Variants in USP37 observed in about 807,000 individuals in gnomAD.
USP37 encodes ubiquitin carboxyl-terminal hydrolase 37.
Under a neutral mutation model 124.0 loss-of-function variants are expected in USP37, and 27 were observed. The ratio of observed to expected loss-of-function variants is 0.22; its 90% CI spans 0.16 to 0.30. USP37 has a LOEUF of 0.30. Among genes scored for constraint, USP37 ranks in the 10% least tolerant of loss-of-function variants. The probability of loss-of-function intolerance (pLI) is 1.00; values close to 1 mark genes in which losing one functional copy is unlikely to be tolerated. For missense variants in USP37, 889 were observed against 1,140.4 expected (o/e 0.78, Z 3.17); for synonymous variants, 365 against 388.0 (o/e 0.94, Z 0.70).
chr2:218,511,637 G>T (rs1419720602), intron 10 of USP37, among the ~76,000 whole-genome samples: 1 of 151,346 alleles, frequency 6.6e-6, no homozygotes, highest in East Asian at 1.9e-4. Flanking sequence ...AGTAGAGAAG[G>T]GGTTTCACCA....
chr2:218,561,621 G>A (rs1288596433), intron 2 of USP37, among the ~76,000 whole-genome samples: 1 of 147,364 alleles, frequency 6.8e-6, no homozygotes, highest in East Asian at 2.0e-4. Context: ...TCATACCACT[G>A]CACTCCAGCC....
In USP37 at chr2:218,498,013, A is replaced by G. The variant is rs1168372594; in HGVS notation, c.1157+13T>C. 2.5e-6 allele frequency: 4 copies of G among 1,598,212 alleles called. No individual in the cohort carries two copies. Among genetic ancestry groups the G allele is most frequent in the Non-Finnish European group, 3.4e-6 (4 of 1,174,354 alleles). On this transcript the variant is annotated intron_variant, in intron 12 of 25. Transcript: ENST00000258399. ...TAAAAGGTTACTCAGTAAGTACAGT[A>G]CATAATGATTACCTGATAAGTGCAT... is the stretch of plus-strand genomic sequence containing the variant.
At chr2:218,550,049 T>A in intron 5 of USP37, 140 bp from the exon 6 acceptor site, 1 of 554,248 alleles carries the variant, frequency 1.8e-6, no homozygotes, top group Admixed American at 3.8e-5. Flanking sequence ...AAAGTGCCTA[T>A]CAACCAATTC....
chr2:218,476,907 G>C lies in USP37; in HGVS notation c.1976C>G (p.Ser659Cys). Residue 659 changes from serine (S) to cysteine (C), a missense_variant, in exon 19 of 26, where the codon TCT becomes TGT. Physicochemically the swap from Ser to Cys is moderately radical, Grantham distance 112. Coordinates refer to ENST00000258399, the MANE Select transcript of USP37 (RefSeq NM_020935.3). The part of the protein sequence containing the change: ...DSDSEDELKR[S>C]VALSQRLCEM... ...ACAAAGTCTCTGGCTGAGGGCCACA[G>C]AACGTTTTAGCTCATCCTCACTGTC... 6.2e-7 allele frequency: 1 copy of C among 1,609,844 alleles called. No individual in the cohort carries two copies. The highest frequency in any genetic ancestry group is 8.5e-7 in the Non-Finnish European group (1 of 1,178,302).
At chr2:218,557,870 G>A (rs975387938) in intron 4 of USP37, among the ~76,000 whole-genome samples, 5 of 121,780 alleles carry the variant, frequency 4.1e-5, no homozygotes, top group Non-Finnish European at 8.0e-5. Flanking sequence ...GGCAGAGGTT[G>A]CAATGAGCCG....
chr2:218,558,740 G>A (rs1395621195), intron 3 of USP37, 63 bp from the exon 4 acceptor site: 2 of 1,250,358 alleles, frequency 1.6e-6, no homozygotes, highest in East Asian at 2.3e-5. Context: ...AATAAGATAA[G>A]TTATAACTTA....
At chr2:218,465,241 T>C (rs932207640) in intron 21 of USP37, among the ~76,000 whole-genome samples, 10 of 152,028 alleles carry the variant, frequency 6.6e-5, no homozygotes, top group African/African-American at 2.4e-4. Flanking sequence ...AATTATAAAA[T>C]CATGGTGTTA....
chr2:218,453,613 A>C lies in USP37; in HGVS notation c.*1317T>G, dbSNP rs1490895330. ...AAAAGAATTCTTTATATGGTTTCAT[A>C]AGCTGCTTAACCAAGCTGGTTACGT... On this transcript the variant is annotated 3_prime_UTR_variant, in exon 26 of 26. Transcript: ENST00000258399. 1 of 152,222 alleles carries C rather than the reference A, an allele frequency of 6.6e-6. No individual in the cohort carries two copies. The highest frequency in any genetic ancestry group is 1.5e-5 in the Non-Finnish European group (1 of 68,046). The allele number at this position is 152,222 out of a possible 1,614,324, so 9.4% of individuals were successfully genotyped here.
At chr2:218,455,086 AAAAGT>A (rs1689620714) in intron 25 of USP37, 69 bp from the exon 26 acceptor site, 1 of 1,580,458 alleles carries the variant, frequency 6.3e-7, no homozygotes, top group South Asian at 1.1e-5. Flanking sequence ...AGGCAGGAGA[AAAAGT>A]AAAATAAAAT....
At chr2:218,554,967 A>G (rs17572799) in intron 4 of USP37, among the ~76,000 whole-genome samples, 1,541 of 152,298 alleles carry the variant, frequency 0.01, 10 homozygotes, top group Non-Finnish European at 0.015. Flanking sequence ...AACTCACTTA[A>G]GTTTCATTCA....
chr2:218,467,882 GTTTT>G (rs950614019), intron 20 of USP37, among the ~76,000 whole-genome samples: 11 of 147,740 alleles, frequency 7.4e-5, no homozygotes, highest in African/African-American at 1.3e-4. Context: ...AACATTTCAT[GTTTT>G]TTTTGTTTTT....
intron 21 of USP37, 147 bp from the exon 22 acceptor site, chr2:218,463,513 T>C (rs1690141508): frequency 6.6e-6 from 4 of 603,350 alleles, no homozygotes; most frequent in Non-Finnish European, 1.1e-5. Flanking sequence ...TTTTGAGGAA[T>C]GTGGGGAAGT....
chr2:218,536,017 CAAAAAAAAAA>C (rs59248363), intron 8 of USP37, among the ~76,000 whole-genome samples: 5 of 80,830 alleles, frequency 6.2e-5, no homozygotes, highest in Admixed American at 3.5e-4. Context: ...GACTTCATCT[CAAAAAAAAAA>C]AAAAAAAAAA....
intron 8 of USP37, among the ~76,000 whole-genome samples, chr2:218,536,045 A>C (rs1034354386): frequency 6.8e-6 from 1 of 146,552 alleles, no homozygotes; most frequent in Non-Finnish European, 1.5e-5. Context: ...AAAAAAAAGG[A>C]AAAGAAAAAT....
chr2:218,502,398 C>T (rs1196359804), intron 11 of USP37, among the ~76,000 whole-genome samples: 1 of 152,068 alleles, frequency 6.6e-6, no homozygotes, highest in Non-Finnish European at 1.5e-5. Flanking sequence ...CTTGAAAAGA[C>T]AGCAACAGAA....
chr2:218,536,952 G>A (rs1574940197), intron 8 of USP37, among the ~76,000 whole-genome samples: 2 of 152,146 alleles, frequency 1.3e-5, no homozygotes, highest in East Asian at 1.9e-4. Context: ...TAGGGCTCAC[G>A]CAGTATCTCC....
intron 10 of USP37, among the ~76,000 whole-genome samples, chr2:218,513,651 T>C (rs1019259611): frequency 3.9e-5 from 6 of 152,220 alleles, no homozygotes; most frequent in Non-Finnish European, 8.8e-5. Flanking sequence ...AAATGGAATC[T>C]TACAATATGC....
chr2:218,514,099 G>T (rs559258190), intron 10 of USP37, among the ~76,000 whole-genome samples: 1 of 152,080 alleles, frequency 6.6e-6, no homozygotes, highest in Non-Finnish European at 1.5e-5. Flanking sequence ...GATTACAGGC[G>T]TGAGTCACTG....
chr2:218,545,871 AT>A (rs3834140), intron 8 of USP37, among the ~76,000 whole-genome samples: 6,734 of 151,174 alleles, frequency 0.045, 189 homozygotes, highest in East Asian at 0.12. Flanking sequence ...AAAAGTAAAA[AT>A]TTTTTTTTTA....
Sources: allele counts gnomAD v4.1 joint callset (sites outside exome capture counted in the v4.1 genomes callset), GRCh38; gene constraint gnomAD v4.1.1; transcripts MANE v1.5; gene names NCBI Gene and HGNC (gene_info 2026-07-23, HGNC 2026-07-21).